Variants in DGCR2 observed in about 807,000 individuals in gnomAD.
DGCR2 encodes DiGeorge syndrome critical region gene 2.
Under a neutral mutation model 51.6 loss-of-function variants are expected in DGCR2, and 24 were observed. That is an observed-to-expected ratio of 0.47 (90% confidence interval 0.34 to 0.65). The LOEUF (loss-of-function observed/expected upper bound fraction) is 0.65. Among genes scored for constraint, DGCR2 ranks in the 30% least tolerant of loss-of-function variants. DGCR2 has a pLI of 0.01. For synonymous variants in DGCR2, 340 were observed against 315.4 expected (o/e 1.08, Z -0.82); for missense variants, 765 against 772.1 (o/e 0.99, Z 0.11).
At chr22:19,114,092 G>GTT (rs1342980282) in intron 1 of DGCR2, among the ~76,000 whole-genome samples, 1 of 132,980 alleles carries the variant, frequency 7.5e-6, no homozygotes, top group East Asian at 2.2e-4. Context: ...AAAAGAACGA[G>GTT]TTAAGACAAT....
chr22:19,051,188 CAAAAA>C (rs61277487), intron 6 of DGCR2, among the ~76,000 whole-genome samples: 51 of 54,858 alleles, frequency 9.3e-4, no homozygotes, highest in Admixed American at 2.0e-3. Context: ...AATTCTGTCA[CAAAAA>C]AAAAAAAAAA....
intron 1 of DGCR2, 135 bp from the exon 2 acceptor site, chr22:19,089,625 G>T: frequency 2.8e-6 from 3 of 1,074,394 alleles, no homozygotes; most frequent in Non-Finnish European, 3.7e-6. Context: ...TGTCACCCAG[G>T]CTGGAGTGCC....
At chr22:19,075,993 C>CT (rs1329079657) in intron 2 of DGCR2, among the ~76,000 whole-genome samples, 1 of 151,792 alleles carries the variant, frequency 6.6e-6, no homozygotes, top group African/African-American at 2.4e-5. Context: ...GAGTCTTGCT[C>CT]TGTCGCCCAA....
At chr22:19,050,786 T>C (rs1447224470) in intron 6 of DGCR2, among the ~76,000 whole-genome samples, 1 of 152,110 alleles carries the variant, frequency 6.6e-6, no homozygotes, top group Non-Finnish European at 1.5e-5. Flanking sequence ...ATTCGAAACA[T>C]GTCCTAGACT....
intron 2 of DGCR2, among the ~76,000 whole-genome samples, chr22:19,077,257 T>C (rs1453618425): frequency 1.3e-5 from 2 of 152,222 alleles, no homozygotes; most frequent in Non-Finnish European, 2.9e-5. Context: ...ATGTAAGAAA[T>C]CATTGCCAAA....
In DGCR2 at chr22:19,051,925, T is replaced by C. The variant is rs117253796; in HGVS notation, c.803-3282A>G. Among the ~76,000 whole-genome samples, 91 of 152,062 alleles carry C rather than the reference T, an allele frequency of 6.0e-4. 2 individuals carry two copies. The East Asian group carries it at 0.016, about 26-fold the overall frequency. ...CTAACAGAAGGGCTAAGATGAAAAA[T>C]AGTGAAAACAGTAAGCGCTGGGGAG... On this transcript the variant is annotated intron_variant, in intron 6 of 9. Coordinates refer to ENST00000263196, the MANE Select transcript of DGCR2 (RefSeq NM_005137.3).
chr22:19,062,345 T>G (rs111991261), intron 5 of DGCR2, among the ~76,000 whole-genome samples: 1 of 152,118 alleles, frequency 6.6e-6, no homozygotes, highest in Non-Finnish European at 1.5e-5. Flanking sequence ...CAGCCAGGCA[T>G]GGCCCCGCCT....
rs754411981 is a variant in DGCR2, at chr22:19,057,002, T to A, written c.786A>T (p.Ser262=). 6.3e-7 allele frequency: 1 copy of A among 1,587,900 alleles called. No homozygotes were observed. Among genetic ancestry groups the A allele is most frequent in the Non-Finnish European group, 8.6e-7 (1 of 1,166,704 alleles). ...GGGGCTTACTTCTTTTACACAGAAA[T>A]GAAGACTTCTCGTAGCAGCTCTCGG... is the stretch of plus-strand genomic sequence containing the variant. ...WHAESCYEKS[S]FLCKRSQTCV... Residue 262 remains serine (S), a synonymous_variant, in exon 6 of 10, where the codon TCA becomes TCT. Transcript: ENST00000263196. This position sits in a 1 kb window ranked among gnomAD's most constrained non-coding sequence, Gnocchi z 5.1.
Position 19,103,416 on chromosome 22 carries a change from C to CTTTTTTTT in DGCR2, c.80-13934_80-13927dup, listed in dbSNP as rs55877455. Among the ~76,000 whole-genome samples, 22 of 67,730 alleles carry CTTTTTTTT rather than the reference C, an allele frequency of 3.2e-4. 1 individual carries two copies. The highest frequency in any genetic ancestry group is 6.7e-4 in the South Asian group (1 of 1,496). The allele number at this position is 67,730 out of a possible 152,430, so 44.4% of individuals were successfully genotyped here. ...GTATTTTACCACAATAAAAAAAGTT[C>CTTTTTTTT]TTTTTTTTTTTTTTTTTTTTTTTTT... On this transcript the variant is annotated intron_variant, in intron 1 of 9. Transcript: ENST00000263196.
intron 8 of DGCR2, 91 bp downstream of exon 8, chr22:19,041,716 C>T (rs1018107306): frequency 9.7e-6 from 14 of 1,446,006 alleles, no homozygotes; most frequent in Non-Finnish European, 1.3e-5. Context: ...GCCTCTGCCC[C>T]TCTCTGTCCA....
chr22:19,084,762 G>C (rs1337816087), intron 2 of DGCR2, among the ~76,000 whole-genome samples: 2 of 145,146 alleles, frequency 1.4e-5, no homozygotes, highest in Non-Finnish European at 3.1e-5. Flanking sequence ...GGAGGGAGGT[G>C]GGGGGTCAGC....
At chr22:19,062,942 G>C (rs538123691) in intron 5 of DGCR2, among the ~76,000 whole-genome samples, 23 of 152,198 alleles carry the variant, frequency 1.5e-4, no homozygotes, top group Non-Finnish European at 2.8e-4. Flanking sequence ...AACTTCAAAA[G>C]GAGGCGGGGG....
At chr22:19,110,304 C>CAG (rs1309305159) in intron 1 of DGCR2, among the ~76,000 whole-genome samples, 1 of 152,126 alleles carries the variant, frequency 6.6e-6, no homozygotes, top group Non-Finnish European at 1.5e-5. Flanking sequence ...AGAACCAAGG[C>CAG]AGGGACTGCA....
Position 19,057,496 on chromosome 22 carries a change from A to C in DGCR2, c.626-334T>G, listed in dbSNP as rs532634506. Reference sequence around the variant, plus strand: ...AAAGTTAGAGCAACAGCATAATAACAAAGTAATGGATTGTGGCACACTGGA... The same window carrying C: ...AAAGTTAGAGCAACAGCATAATAACCAAGTAATGGATTGTGGCACACTGGA... On this transcript the variant is annotated intron_variant, in intron 5 of 9. Transcript: ENST00000263196. The surrounding 1 kb of genome is among the most constrained non-coding windows in gnomAD (Gnocchi z 5.1). Among the ~76,000 whole-genome samples the C allele has an allele frequency of 2.0e-5, 3 of 152,248 alleles. No individual in the cohort carries two copies. The highest frequency in any genetic ancestry group is 7.2e-5 in the African/African-American group (3 of 41,458).
Position 19,038,680 on chromosome 22 carries a change from G to T in DGCR2, c.*185C>A. On this transcript the variant is annotated 3_prime_UTR_variant, in exon 10 of 10. Transcript: ENST00000263196. ...TCTGAAGCCCTCAAGGAAGCTCGGTGCAGGCCATCACTTCTTTTGGCAGAA... is the reference window on the plus strand; with the variant it reads ...TCTGAAGCCCTCAAGGAAGCTCGGTTCAGGCCATCACTTCTTTTGGCAGAA... The T allele has an allele frequency of 1.4e-6, 1 of 726,276 alleles. No homozygotes were observed. The highest frequency in any genetic ancestry group is 2.2e-6 in the Non-Finnish European group (1 of 444,686). The allele number at this position is 726,276 out of a possible 1,614,324, so 45.0% of individuals were successfully genotyped here.
At chr22:19,087,326 G>C (rs1031693260) in intron 2 of DGCR2, among the ~76,000 whole-genome samples, 11 of 152,212 alleles carry the variant, frequency 7.2e-5, no homozygotes, top group African/African-American at 2.7e-4. Context: ...CTCTACCAGA[G>C]ACACGCATAA....
chr22:19,064,747 G>T, intron 4 of DGCR2, 101 bp downstream of exon 4: 1 of 1,179,134 alleles, frequency 8.5e-7, no homozygotes, highest in Non-Finnish European at 1.2e-6. Context: ...CCTGCTGTCT[G>T]CCAGCTGTGC....
chr22:19,096,803 A>C (rs2083145576), intron 1 of DGCR2, among the ~76,000 whole-genome samples: 1 of 151,740 alleles, frequency 6.6e-6, no homozygotes, highest in African/African-American at 2.4e-5. Context: ...GGTGCCTCAA[A>C]GTCAAATGAC....
intron 6 of DGCR2, chr22:19,056,406 C>T: frequency 2.1e-6 from 1 of 468,200 alleles, no homozygotes; most frequent in Non-Finnish European, 3.9e-6. Flanking sequence ...AACAAAGCCT[C>T]TCCCCAACCT....
Sources: allele counts gnomAD v4.1 joint callset (sites outside exome capture counted in the v4.1 genomes callset), GRCh38; gene constraint gnomAD v4.1.1; non-coding constraint Gnocchi (gnomAD v3.1); transcripts MANE v1.5; gene names NCBI Gene and HGNC (gene_info 2026-07-23, HGNC 2026-07-21).